MICALL2: variants seen among roughly 807,000 people sequenced by gnomAD.
The protein encoded by MICALL2 is MICAL like 2.
MICALL2 carries 111 observed loss-of-function variants against 91.1 expected under a neutral mutation model. The ratio of observed to expected loss-of-function variants is 1.22; its 90% CI spans 1.04 to 1.43. MICALL2 has a LOEUF of 1.43. MICALL2 is among the 40% of genes most tolerant of loss of function. MICALL2 has a pLI of 0.00. For synonymous variants in MICALL2, 694 were observed against 525.3 expected (o/e 1.32, Z -4.39); for missense variants, 1,556 against 1,236.0 (o/e 1.26, Z -3.88).
chr7:1,434,448 C>G lies in MICALL2; in HGVS notation c.*148G>C. On this transcript the variant is annotated 3_prime_UTR_variant, in exon 17 of 17. Transcript: ENST00000297508. ...ACATGCCCCTTGTAGGGACAGGAGG[C>G]CCTTCCCGAGTCCAAGTCCGAATGC... is the stretch of plus-strand genomic sequence containing the variant. The G allele has an allele frequency of 1.4e-6, 1 of 728,472 alleles. No individual in the cohort carries two copies. 45.1% of individuals were successfully genotyped at this position (728,472 alleles called of 1,614,324 possible).
rs200232049 is a variant in MICALL2 at position 1,448,605 on chromosome 7, G to A, written c.334+15C>T. ...CCTGGTCCTGCCTGGCTCGGCGGGC[G>A]CGGCAGGGACTCACTGGGGGAGCGG... is the stretch of plus-strand genomic sequence containing the variant. On this transcript the variant is annotated intron_variant, in intron 3 of 16. Transcript: ENST00000297508. The A allele has an allele frequency of 7.3e-4, 1,175 of 1,612,172 alleles. 6 individuals carry two copies. The highest frequency in any genetic ancestry group is 2.9e-3 in the Admixed American group (177 of 60,014).
Position 1,444,760 on chromosome 7 carries a change from G to A in MICALL2, c.1310C>T (p.Pro437Leu). ...PPGTSLSGRGPTPSLVLSKDS... is the reference protein window; with the variant it reads ...PPGTSLSGRGLTPSLVLSKDS... ...CTTGGATAGAACAAGTGACGGGGTG[G>A]GACCTCTGCCAGAAAGGCTGGTGCC... The change falls in exon 6 of 17, where the codon CCC (proline) becomes CTC (leucine). Residue 437 changes from proline to leucine, a missense_variant. Physicochemically the swap from Pro to Leu is moderately conservative, Grantham distance 98 (BLOSUM62 -3). Transcript: ENST00000297508. The A allele has an allele frequency of 6.2e-7, 1 of 1,612,276 alleles. No homozygotes were observed. Among genetic ancestry groups the A allele is most frequent in the South Asian group, 1.1e-5 (1 of 91,070 alleles).
rs1042878304 is a variant in MICALL2, at chr7:1,442,431, G to A, written c.1472C>T (p.Pro491Leu). 3 of 1,565,478 alleles carry A rather than the reference G, an allele frequency of 1.9e-6. No individual in the cohort carries two copies. The highest frequency in any genetic ancestry group is 2.6e-6 in the Non-Finnish European group (3 of 1,154,236). The part of the protein sequence containing the change: ...VPSSQPKTEA[P>L]QASPLAKPLQ... ...CGGCTTGGCTAAGGGACTTGCTTGTGGTGCTTCAGTTTTGGGCTGAGAACT... is the reference window on the plus strand; with the variant it reads ...CGGCTTGGCTAAGGGACTTGCTTGTAGTGCTTCAGTTTTGGGCTGAGAACT... Residue 491 changes from proline (P) to leucine (L), a missense_variant, in exon 7 of 17, where the codon CCA becomes CTA. Transcript: ENST00000297508.
At chr7:1,439,148 ACACC>A (rs1780136127) in intron 9 of MICALL2, 153 bp from the exon 10 acceptor site, 1 of 641,072 alleles carries the variant, frequency 1.6e-6, no homozygotes, top group South Asian at 2.0e-5. Flanking sequence ...CACAAGCCCT[ACACC>A]CACGTCCTGC....
At chr7:1,437,160 C>T (rs4582463) in intron 14 of MICALL2, 31,023 of 474,386 alleles carry the variant, frequency 0.065, 1,386 homozygotes, top group Admixed American at 0.17. Context: ...CAGAGGCAGA[C>T]GGCCTGGGCC....
Position 1,438,170 on chromosome 7 carries a change from G to A in MICALL2, c.2238C>T (p.Asp746=), listed in dbSNP as rs532997492. Residue 746 remains aspartate (D), a synonymous_variant, in exon 12 of 17, where the codon GAC becomes GAT. Transcript: ENST00000297508. The part of the protein sequence containing the change: ...SPEEIQRQLQ[D]IERRLDALEL... ...CCAGGGCGTCCAGCCGCCTCTCGAT[G>A]TCCTGCAGCTGCCTCTGTATCTCCT... The A allele has an allele frequency of 1.1e-5, 17 of 1,568,772 alleles. 1 individual carries two copies. Among genetic ancestry groups the A allele is most frequent in the South Asian group, 1.0e-4 (9 of 85,720 alleles).
chr7:1,452,511 G>C lies in MICALL2; in HGVS notation c.144-2223C>G, dbSNP rs1189515985. 6.6e-6 allele frequency among the ~76,000 whole-genome samples: 1 copy of C among 152,194 alleles called. No homozygotes were observed. The highest frequency in any genetic ancestry group is 1.5e-5 in the Non-Finnish European group (1 of 68,036). On this transcript the variant is annotated intron_variant, in intron 1 of 16. Coordinates refer to ENST00000297508, the MANE Select transcript of MICALL2 (RefSeq NM_182924.4). This position sits in a 1 kb window ranked among gnomAD's most constrained non-coding sequence, Gnocchi z 6.2. ...ACTGACCAAAGCGGCCATGTCCCCG[G>C]AAAGAATGCCCGGACGGCCGGGAGG...
chr7:1,459,025 G>A (rs923097305), intron 1 of MICALL2, among the ~76,000 whole-genome samples, 159 bp downstream of exon 1: 3 of 152,178 alleles, frequency 2.0e-5, no homozygotes, highest in Non-Finnish European at 4.4e-5. Flanking sequence ...GCACACTGAG[G>A]CCACTGAGGA....
At chr7:1,438,655 T>C in intron 10 of MICALL2, 185 bp downstream of exon 10, 2 of 1,424,354 alleles carry the variant, frequency 1.4e-6, no homozygotes, top group Non-Finnish European at 1.8e-6. Context: ...CAAGGTACTC[T>C]GAAACAGCTA....
intron 11 of MICALL2, 32 bp from the exon 12 acceptor site, chr7:1,438,252 G>C (rs972257194): frequency 1.3e-6 from 2 of 1,588,830 alleles, no homozygotes; most frequent in African/African-American, 1.3e-5. Context: ...GGATGCCGGA[G>C]GGCTGGGCCC....
In MICALL2 at chr7:1,442,244, C is replaced by T; in HGVS notation, c.1659G>A (p.Arg553=). ...TTGCCATCGGGGCCTCTGGCTTCGG[C>T]CTGGAGCCAGCACCCACCCTGCCGA... is the stretch of plus-strand genomic sequence containing the variant. ...SGVGRVGAGS[R]PKPEAPMAKG... is the part of the protein sequence containing the mutation. Residue 553 remains arginine (R), a synonymous_variant, in exon 7 of 17, where the codon AGG becomes AGA. Transcript: ENST00000297508. The T allele has an allele frequency of 1.2e-6, 2 of 1,612,844 alleles. No individual in the cohort carries two copies. Among genetic ancestry groups the T allele is most frequent in the East Asian group, 2.2e-5 (1 of 44,880 alleles).
intron 15 of MICALL2, 58 bp downstream of exon 15, chr7:1,436,684 G>A (rs984145851): frequency 8.9e-6 from 12 of 1,347,634 alleles, no homozygotes; most frequent in Non-Finnish European, 9.2e-6. Context: ...TGAGGGCCGG[G>A]AGCATGGACC....
chr7:1,446,796 G>A lies in MICALL2; in HGVS notation c.558C>T (p.Ser186=), dbSNP rs372665898. The A allele has an allele frequency of 4.0e-4, 638 of 1,604,546 alleles. 8 individuals are homozygous for A. In the South Asian group the frequency reaches 6.6e-3, roughly 17 times the overall value. The part of the protein sequence containing the change: ...DQALAGSLVS[S]TCGVCGKHVH... ...CGTGCTTGCCGCAGACCCCGCAGGT[G>A]CTGCTGACCAAGCTGCCCGCCAATG... The change falls in exon 5 of 17, where the codon AGC becomes AGT. Residue 186 remains serine (S), a synonymous_variant. Transcript: ENST00000297508.
At chr7:1,453,033 G>A (rs1780892326) in intron 1 of MICALL2, among the ~76,000 whole-genome samples, 1 of 151,648 alleles carries the variant, frequency 6.6e-6, no homozygotes, top group Admixed American at 6.6e-5. Flanking sequence ...CACACCCCCG[G>A]GGCCCCTGAG....
intron 15 of MICALL2, among the ~76,000 whole-genome samples, chr7:1,435,967 G>A (rs1779947429): frequency 6.6e-6 from 1 of 151,408 alleles, no homozygotes; most frequent in South Asian, 2.1e-4. Context: ...CAGGAGAATG[G>A]CATGAACCCT....
chr7:1,459,142 G>A (rs555414740), intron 1 of MICALL2, 42 bp downstream of exon 1: 1 of 1,572,930 alleles, frequency 6.4e-7, no homozygotes, highest in Non-Finnish European at 8.7e-7. Context: ...TCAGCGCGCA[G>A]CCGAACAGCA....
At position 1,434,519 on chromosome 7, in the gene MICALL2, G is replaced by A. The variant is rs770603865; in HGVS notation, c.*77C>T. The A allele has an allele frequency of 2.8e-5, 38 of 1,341,478 alleles. No homozygotes were observed. Among genetic ancestry groups the A allele is most frequent in the African/African-American group, 2.6e-4 (18 of 69,956 alleles). The allele number at this position is 1,341,478 out of a possible 1,614,324, so 83.1% of individuals were successfully genotyped here. On this transcript the variant is annotated 3_prime_UTR_variant, in exon 17 of 17. Transcript: ENST00000297508. ...GGCCCCGAGTACAAGTCCGGGTTCC[G>A]GGTCCGGGCCAAGCCCATGGCCCCG...
chr7:1,450,787 GCAGGACAGGCCCCGGAT>G (rs1780797118), intron 1 of MICALL2, among the ~76,000 whole-genome samples: 2 of 151,022 alleles, frequency 1.3e-5, no homozygotes, highest in South Asian at 4.2e-4. Context: ...GCCCCCGAGG[GCAGGACAGGCCCCGGAT>G]CCACCTCGTC....
At chr7:1,448,504 G>A (rs911039254) in intron 3 of MICALL2, 116 bp downstream of exon 3, 3 of 945,212 alleles carry the variant, frequency 3.2e-6, no homozygotes, top group Admixed American at 1.9e-5. Flanking sequence ...CCATGCCAGG[G>A]GCCATTCTTG....
Sources: allele counts gnomAD v4.1 joint callset (sites outside exome capture counted in the v4.1 genomes callset), GRCh38; gene constraint gnomAD v4.1.1; non-coding constraint Gnocchi (gnomAD v3.1); transcripts MANE v1.5; gene names NCBI Gene and HGNC (gene_info 2026-07-23, HGNC 2026-07-21).